Variants in ANXA13 observed in about 807,000 individuals in gnomAD.
ANXA13 encodes annexin XIII.
Under a neutral mutation model 46.6 loss-of-function variants are expected in ANXA13, and 36 were observed. The ratio of observed to expected loss-of-function variants is 0.77; its 90% CI spans 0.59 to 1.02. The LOEUF is 1.02. Ranked by LOEUF, ANXA13 falls within the 50% of genes least tolerant of loss-of-function variation. The pLI, the probability that ANXA13 is intolerant of heterozygous loss-of-function variation, is 0.00. For synonymous variants in ANXA13, 163 were observed against 152.9 expected, an observed-to-expected ratio of 1.07 and a Z score of -0.49; for missense variants, 417 against 396.5, an observed-to-expected ratio of 1.05 and a Z score of -0.44.
chr8:123,724,539 C>T lies in ANXA13; in HGVS notation c.16-11786G>A, dbSNP rs537103495. Among the ~76,000 whole-genome samples, 25 of 152,274 alleles carry T rather than the reference C, an allele frequency of 1.6e-4. No homozygotes were observed. The Middle Eastern group carries it at 0.01, about 62-fold the overall frequency. On this transcript the variant is annotated intron_variant, in intron 1 of 10. Transcript: ENST00000419625. ...ATATCCCGGTAAAGGAGGAAGACAA[C>T]TTAGAAATGTGCTGAAGGTTTACAC...
At chr8:123,700,205 A>C (rs1007791184) in intron 3 of ANXA13, among the ~76,000 whole-genome samples, 15 of 151,900 alleles carry the variant, frequency 9.9e-5, no homozygotes, top group African/African-American at 2.9e-4. Context: ...TATGGTGTGG[A>C]GTCATCTAAA....
At chr8:123,696,839 G>C (rs1292258772) in intron 4 of ANXA13, among the ~76,000 whole-genome samples, 1 of 152,192 alleles carries the variant, frequency 6.6e-6, no homozygotes, top group African/African-American at 2.4e-5. Flanking sequence ...TTGCTTATTG[G>C]TTGAAGCCAG....
chr8:123,685,897 C>T (rs1303559975), intron 9 of ANXA13, among the ~76,000 whole-genome samples: 1 of 152,098 alleles, frequency 6.6e-6, no homozygotes, highest in Non-Finnish European at 1.5e-5. Flanking sequence ...TACTGTGATC[C>T]CCAGACAATT....
chr8:123,695,051 G>C (rs1355492703), intron 6 of ANXA13, among the ~76,000 whole-genome samples: 1 of 152,056 alleles, frequency 6.6e-6, no homozygotes, highest in African/African-American at 2.4e-5. Context: ...TGAGTTTCTT[G>C]TTGTAGTCCT....
intron 1 of ANXA13, among the ~76,000 whole-genome samples, chr8:123,731,892 C>CA (rs1358968254): frequency 6.6e-6 from 1 of 151,984 alleles, no homozygotes; most frequent in Admixed American, 6.6e-5. Flanking sequence ...AAAACAAAAA[C>CA]AAAAAACCCA....
rs568208622 is a variant in ANXA13, at chr8:123,712,891, C to T, written c.16-138G>A. On this transcript the variant is annotated intron_variant, in intron 1 of 10. Coordinates refer to ENST00000419625, the MANE Select transcript of ANXA13 (RefSeq NM_004306.4). The stretch of plus-strand genomic sequence containing the variant: ...CTGTCACTTCACACACTGGTACATG[C>T]GGAAATCAGCTGGGGAGACTCTGGC... 3.6e-3 allele frequency: 2,651 copies of T among 746,316 alleles called. 57 individuals are homozygous for T. The highest frequency in any genetic ancestry group is 0.028 in the South Asian group (1,776 of 63,462). The allele number at this position is 746,316 out of a possible 1,614,324, so 46.2% of individuals were successfully genotyped here. A position where few individuals can be genotyped will look rare whatever the true frequency, so the allele number is the denominator to read the frequency against.
intron 1 of ANXA13, among the ~76,000 whole-genome samples, chr8:123,724,326 T>C (rs1332140079): frequency 6.6e-6 from 1 of 152,112 alleles, no homozygotes; most frequent in Non-Finnish European, 1.5e-5. Context: ...AAGATATAGA[T>C]TAGTAGCCTT....
chr8:123,707,962 C>T (rs1331291587), intron 2 of ANXA13, among the ~76,000 whole-genome samples: 1 of 152,248 alleles, frequency 6.6e-6, no homozygotes, highest in South Asian at 2.1e-4. Flanking sequence ...ACCTGGACGT[C>T]GGGGGAGGCT....
At chr8:123,715,922 G>A (rs1813751568) in intron 1 of ANXA13, among the ~76,000 whole-genome samples, 2 of 152,146 alleles carry the variant, frequency 1.3e-5, no homozygotes, top group South Asian at 4.1e-4. Context: ...GAGCTGAGGG[G>A]TGAGACAAAA....
rs537092713 is a variant in ANXA13, at chr8:123,735,629, A to G, written c.15+1691T>C. The stretch of plus-strand genomic sequence containing the variant: ...GCAGGGAAAGATTTCCCTGCTTGGA[A>G]GTCACACCTGATGATGGCTGGTGGC... On this transcript the variant is annotated intron_variant, in intron 1 of 10. Transcript: ENST00000419625. The G allele has an allele frequency of 2.5e-6, 3 of 1,203,510 alleles. No homozygotes were observed. The South Asian group carries it at 7.1e-5, about 28-fold the overall frequency. The allele number at this position is 1,203,510 out of a possible 1,614,324, so 74.6% of individuals were successfully genotyped here. A position where few individuals can be genotyped will look rare whatever the true frequency, so the allele number is the denominator to read the frequency against.
At chr8:123,693,093 T>G in intron 8 of ANXA13, 104 bp downstream of exon 8, 1 of 977,094 alleles carries the variant, frequency 1.0e-6, no homozygotes, top group Non-Finnish European at 1.6e-6. Context: ...AGAACCACTG[T>G]TGTAAAGGAT....
rs1055654604 is a variant in ANXA13, at chr8:123,704,699, C to T, written c.92-1963G>A. On this transcript the variant is annotated intron_variant, in intron 2 of 10. Coordinates refer to ENST00000419625, the MANE Select transcript of ANXA13 (RefSeq NM_004306.4). ...GGCATGAGCCACCGCACCCGGCCTG[C>T]GGTTGACAATTCTTTGCGTGAAACA... Among the ~76,000 whole-genome samples the T allele has an allele frequency of 7.2e-5, 11 of 152,268 alleles. No individual in the cohort carries two copies. The Middle Eastern group carries it at 0.014, about 188-fold the overall frequency.
At chr8:123,737,018 T>C (rs1814283219) in intron 1 of ANXA13, among the ~76,000 whole-genome samples, 1 of 28,212 alleles carries the variant, frequency 3.5e-5, no homozygotes, top group African/African-American at 1.3e-4. Flanking sequence ...CTAGCTAACT[T>C]TTTTTTTTTT....
intron 2 of ANXA13, 123 bp from the exon 3 acceptor site, chr8:123,702,859 C>A: frequency 1.3e-6 from 1 of 786,834 alleles, no homozygotes; most frequent in Non-Finnish European, 2.2e-6. Context: ...TCTATGGAAC[C>A]CAACGGACCC....
chr8:123,684,650 T>C lies in ANXA13; in HGVS notation c.791A>G (p.Asp264Gly), dbSNP rs1359866003. The part of the protein sequence containing the change: ...LYKSMKGAGT[D>G]EETLIRIVVT... ...GACTATGCGAATCAACGTCTCCTCA[T>C]CGGTCCCCGCACCCTTCATCGACTT... The change falls in exon 10 of 11, where the codon GAT (aspartate) becomes GGT (glycine). Residue 264 changes from aspartate to glycine, a missense_variant. Transcript: ENST00000419625. The C allele has an allele frequency of 6.2e-7, 1 of 1,614,156 alleles. No homozygotes were observed. The highest frequency in any genetic ancestry group is 1.1e-5 in the South Asian group (1 of 91,080).
chr8:123,716,346 A>T (rs1339488719), intron 1 of ANXA13, among the ~76,000 whole-genome samples: 1 of 152,084 alleles, frequency 6.6e-6, no homozygotes, highest in East Asian at 1.9e-4. Context: ...CGGCCTCCCA[A>T]CATGCTAGGA....
rs1227440923 is a variant in ANXA13 at position 123,690,017 on chromosome 8, C to T, written c.643-1071G>A. 3.3e-5 allele frequency among the ~76,000 whole-genome samples: 5 copies of T among 152,090 alleles called. No homozygotes were observed. Among genetic ancestry groups the T allele is most frequent in the Non-Finnish European group, 5.9e-5 (4 of 68,018 alleles). The stretch of plus-strand genomic sequence containing the variant: ...TGCTTGATCTCCTAGTCATTGTTTG[C>T]ATATCTGGAGGCCTTGGTGTGTGGC... On this transcript the variant is annotated intron_variant, in intron 8 of 10. Transcript: ENST00000419625. This position sits in a 1 kb window ranked among gnomAD's most constrained non-coding sequence, Gnocchi z 4.6.
intron 1 of ANXA13, among the ~76,000 whole-genome samples, chr8:123,736,073 G>A (rs547972674): frequency 2.8e-4 from 42 of 152,222 alleles, no homozygotes; most frequent in African/African-American, 8.4e-4. Flanking sequence ...TACACTGAAC[G>A]GATGGCTCAT....
intron 1 of ANXA13, among the ~76,000 whole-genome samples, chr8:123,723,770 A>G (rs1308008702): frequency 6.6e-6 from 1 of 152,102 alleles, no homozygotes; most frequent in Non-Finnish European, 1.5e-5. Context: ...ACATTATCAT[A>G]CTTTTTTATT....
Sources: gnomAD v4.1 joint callset for allele counts (sites outside exome capture counted in the v4.1 genomes callset) on GRCh38, gnomAD v4.1.1 for gene constraint, Gnocchi (gnomAD v3.1) non-coding constraint, MANE v1.5 for transcripts, NCBI Gene and HGNC (gene_info 2026-07-23, HGNC 2026-07-21) for gene names.